CDKAL1: variants seen among roughly 807,000 people sequenced by gnomAD.
CDKAL1 encodes CDKAL1 threonylcarbamoyladenosine tRNA methylthiotransferase, also known as threonylcarbamoyladenosine tRNA methylthiotransferase.
Under a neutral mutation model 68.2 loss-of-function variants are expected in CDKAL1, and 32 were observed. The ratio of observed to expected loss-of-function variants is 0.47; its 90% CI spans 0.35 to 0.63. CDKAL1 has a LOEUF of 0.63. Ranked by LOEUF, CDKAL1 falls within the 30% of genes least tolerant of loss-of-function variation. CDKAL1 has a pLI of 0.00. For missense variants in CDKAL1, 606 were observed against 696.7 expected, an observed-to-expected ratio of 0.87 and a Z score of 1.47; for synonymous variants, 234 against 244.3, an observed-to-expected ratio of 0.96 and a Z score of 0.39.
chr6:20,703,762 G>A (rs1771478338), intron 5 of CDKAL1, among the ~76,000 whole-genome samples: 1 of 152,072 alleles, frequency 6.6e-6, no homozygotes, highest in Admixed American at 6.6e-5. Flanking sequence ...GTTTTGGGCT[G>A]TAAGTTTTTT....
intron 5 of CDKAL1, among the ~76,000 whole-genome samples, chr6:20,668,599 CA>C (rs1449778423): frequency 8.5e-5 from 13 of 152,148 alleles, no homozygotes; most frequent in African/African-American, 3.1e-4. Context: ...TGAAAAGTTA[CA>C]AAAATAGTGC....
intron 9 of CDKAL1, among the ~76,000 whole-genome samples, chr6:20,889,431 C>T (rs901640226): frequency 2.6e-5 from 4 of 152,056 alleles, no homozygotes; most frequent in Middle Eastern, 3.2e-3. Flanking sequence ...GTGTTTTAGA[C>T]ATGAAGTCCT....
At position 20,749,786 on chromosome 6, in the gene CDKAL1, A is replaced by G. The variant is rs542482548; in HGVS notation, c.469-8809A>G. ...AGGGTCTCGATCTTCTGACCTCGTG[A>G]TCTGCCCACCTCGGCCTCCCAAAGT... On this transcript the variant is annotated intron_variant, in intron 6 of 15. Coordinates refer to ENST00000274695, the MANE Select transcript of CDKAL1 (RefSeq NM_017774.3). 3.9e-5 allele frequency among the ~76,000 whole-genome samples: 6 copies of G among 152,030 alleles called. No homozygotes were observed. In the East Asian group the frequency reaches 1.2e-3, roughly 30 times the overall value.
At position 20,661,402 on chromosome 6, in the gene CDKAL1, G is replaced by C. The variant is rs548757729; in HGVS notation, c.371+12025G>C. ...GATGAAGAGTTTTTTGTAAAGTAGG[G>C]GGTGAGAGTTATGTATGTTCAGAGC... On this transcript the variant is annotated intron_variant, in intron 5 of 15. Transcript: ENST00000274695. Among the ~76,000 whole-genome samples, 7 of 152,188 alleles carry C rather than the reference G, an allele frequency of 4.6e-5. No individual in the cohort carries two copies. In the South Asian group the frequency reaches 1.5e-3, roughly 32 times the overall value.
intron 4 of CDKAL1, among the ~76,000 whole-genome samples, chr6:20,585,478 C>T (rs1367462478): frequency 6.6e-6 from 1 of 152,212 alleles, no homozygotes; most frequent in African/African-American, 2.4e-5. Context: ...CCTGCTGCTT[C>T]TCTTTCTGTT....
chr6:20,940,564 G>A (rs1157477741), intron 9 of CDKAL1, among the ~76,000 whole-genome samples: 3 of 152,026 alleles, frequency 2.0e-5, no homozygotes, highest in South Asian at 2.1e-4. Context: ...TTCTTTTGGC[G>A]GGGAGCGGGA....
At chr6:20,852,615 A>G (rs1759078105) in intron 9 of CDKAL1, among the ~76,000 whole-genome samples, 1 of 152,360 alleles carries the variant, frequency 6.6e-6, no homozygotes, top group Middle Eastern at 3.4e-3. Flanking sequence ...TTCAGTTTAA[A>G]TAAGCTAAGA....
intron 12 of CDKAL1, among the ~76,000 whole-genome samples, chr6:21,080,900 A>G (rs1772360147): frequency 6.6e-6 from 1 of 152,232 alleles, no homozygotes; most frequent in African/African-American, 2.4e-5. Context: ...CCTGTTAATT[A>G]TAAGCCATTT....
chr6:20,542,377 G>A (rs1381169769), intron 2 of CDKAL1, among the ~76,000 whole-genome samples: 2 of 152,108 alleles, frequency 1.3e-5, no homozygotes, highest in African/African-American at 4.8e-5. Flanking sequence ...CATCTGTCAT[G>A]GTATCCTTGT....
Position 20,899,062 on chromosome 6 carries a change from CTTTTTTT to C in CDKAL1, c.742+52900_742+52906del, listed in dbSNP as rs149183099. On this transcript the variant is annotated intron_variant, in intron 9 of 15. Transcript: ENST00000274695. The stretch of plus-strand genomic sequence containing the variant: ...TCCTAGGATCCTTTTTCTTCTAATT[CTTTTTTT>C]TTTTTTTTTTTTTTTGATGGAGTCT... Among the ~76,000 whole-genome samples the C allele has an allele frequency of 1.1e-3, 128 of 113,736 alleles. 3 individuals are homozygous for C. The highest frequency in any genetic ancestry group is 9.7e-3 in the East Asian group (39 of 4,008). 74.6% of individuals were successfully genotyped at this position (113,736 alleles called of 152,430 possible). A position where few individuals can be genotyped will look rare whatever the true frequency, so the allele number is the denominator to read the frequency against.
intron 5 of CDKAL1, among the ~76,000 whole-genome samples, chr6:20,714,785 T>C (rs1287537224): frequency 2.0e-5 from 3 of 152,192 alleles, no homozygotes; most frequent in Admixed American, 2.0e-4. Flanking sequence ...TATATTAAAA[T>C]AAAACACTTG....
chr6:21,006,547 T>G (rs1767738425), intron 11 of CDKAL1, among the ~76,000 whole-genome samples: 1 of 152,250 alleles, frequency 6.6e-6, no homozygotes, highest in Non-Finnish European at 1.5e-5. Context: ...TCTGAGGTAG[T>G]GAAGTTCTTT....
chr6:20,722,220 A>C (rs1772411656), intron 5 of CDKAL1: 1 of 152,388 alleles, frequency 6.6e-6, no homozygotes, highest in Admixed American at 6.5e-5. Flanking sequence ...TGGGACCATA[A>C]TACGTTCTGA....
chr6:20,836,151 T>G (rs978696859), intron 8 of CDKAL1, among the ~76,000 whole-genome samples: 1 of 152,068 alleles, frequency 6.6e-6, no homozygotes, highest in Non-Finnish European at 1.5e-5. Context: ...AGTGACTCGG[T>G]AGAGTAACTA....
chr6:20,691,110 C>G (rs1770851118), intron 5 of CDKAL1, among the ~76,000 whole-genome samples: 1 of 152,144 alleles, frequency 6.6e-6, no homozygotes, highest in Non-Finnish European at 1.5e-5. Context: ...CACTTTATGA[C>G]CACGACCCCA....
At chr6:21,208,812 G>A (rs1355744261) in intron 15 of CDKAL1, among the ~76,000 whole-genome samples, 2 of 152,172 alleles carry the variant, frequency 1.3e-5, no homozygotes, top group Non-Finnish European at 2.9e-5. Context: ...ATGCTGCTGA[G>A]CTATATTTTA....
At chr6:20,934,290 A>G (rs930961834) in intron 9 of CDKAL1, among the ~76,000 whole-genome samples, 2 of 152,184 alleles carry the variant, frequency 1.3e-5, no homozygotes, top group African/African-American at 4.8e-5. Context: ...TTCAAATACA[A>G]GTCACCTTTG....
At chr6:20,648,169 A>G (rs1463940446) in intron 4 of CDKAL1, among the ~76,000 whole-genome samples, 2 of 148,036 alleles carry the variant, frequency 1.4e-5, no homozygotes, top group East Asian at 4.1e-4. Flanking sequence ...TCCATCGCAC[A>G]GGCTGGAATG....
At chr6:21,054,466 C>G (rs1770721693) in intron 11 of CDKAL1, among the ~76,000 whole-genome samples, 1 of 152,048 alleles carries the variant, frequency 6.6e-6, no homozygotes, top group Admixed American at 6.5e-5. Flanking sequence ...ATTTTAAGCA[C>G]AGCTTGTCAT....
Sources: gnomAD v4.1 joint callset for allele counts (sites outside exome capture counted in the v4.1 genomes callset) on GRCh38, gnomAD v4.1.1 for gene constraint, MANE v1.5 for transcripts, NCBI Gene and HGNC (gene_info 2026-07-23, HGNC 2026-07-21) for gene names.